Variants in SORCS2 observed in about 807,000 individuals in gnomAD.
SORCS2 encodes sortilin related VPS10 domain containing receptor 2, also known as VPS10 domain-containing receptor SorCS2.
SORCS2 carries 100 observed loss-of-function variants against 141.6 expected under a neutral mutation model. The observed-to-expected ratio is 0.71, with a 90% CI of 0.60 to 0.83. The LOEUF (loss-of-function observed/expected upper bound fraction) is 0.83, where lower values mean the gene tolerates loss of function less well. Ranked by LOEUF, SORCS2 falls within the 40% of genes least tolerant of loss-of-function variation. SORCS2 has a pLI of 0.00. For missense variants in SORCS2, 1,646 were observed against 1,560.2 expected (o/e 1.05, Z -0.93); for synonymous variants, 789 against 676.9 (o/e 1.17, Z -2.57).
chr4:7,703,005 G>A (rs1577093439), intron 12 of SORCS2, among the ~76,000 whole-genome samples: 1 of 152,362 alleles, frequency 6.6e-6, no homozygotes, highest in South Asian at 2.1e-4. Context: ...CACATAGAGA[G>A]GGCTGCGTGC....
chr4:7,361,614 G>GA (rs1308642509), intron 1 of SORCS2, among the ~76,000 whole-genome samples: 2 of 152,012 alleles, frequency 1.3e-5, no homozygotes, highest in Non-Finnish European at 2.9e-5. Context: ...GTTATAATGG[G>GA]AAAAAAGAGA....
chr4:7,537,209 C>A (rs1712207493), intron 3 of SORCS2, among the ~76,000 whole-genome samples: 1 of 152,354 alleles, frequency 6.6e-6, no homozygotes, highest in South Asian at 2.1e-4. Flanking sequence ...CATTTCCTCT[C>A]TGGGCCTCAG....
intron 2 of SORCS2, among the ~76,000 whole-genome samples, chr4:7,468,726 C>T (rs1267409174): frequency 1.3e-5 from 2 of 152,232 alleles, no homozygotes; most frequent in Non-Finnish European, 2.9e-5. Flanking sequence ...CCATCTCTTC[C>T]ATCTGTTGAC....
At chr4:7,581,550 G>T (rs1426655130) in intron 3 of SORCS2, among the ~76,000 whole-genome samples, 5 of 152,204 alleles carry the variant, frequency 3.3e-5, no homozygotes, top group Admixed American at 6.5e-5. Flanking sequence ...AGCCCCCGTT[G>T]TGAGTATGGT....
rs776356894 is a variant in SORCS2 at position 7,740,261 on chromosome 4, C to A, written c.3477C>A (p.Ser1159Arg). 1.2e-6 allele frequency: 2 copies of A among 1,609,026 alleles called. No homozygotes were observed. Among genetic ancestry groups the A allele is most frequent in the Admixed American group, 3.3e-5 (2 of 59,944 alleles). The part of the protein sequence containing the change: ...NSREMHSYLV[S>R] The stretch of plus-strand genomic sequence containing the variant: ...GAGAGATGCACAGCTACCTGGTGAG[C>A]TGATGCCACCCCAGCATCTGTCTTT... The change falls in exon 27 of 27, where the codon AGC (serine) becomes AGA (arginine). Residue 1159 changes from serine (S) to arginine (R), a missense_variant. Coordinates refer to ENST00000507866, the MANE Select transcript of SORCS2 (RefSeq NM_020777.3).
intron 3 of SORCS2, among the ~76,000 whole-genome samples, chr4:7,600,175 T>G (rs1717564074): frequency 6.6e-6 from 1 of 152,132 alleles, no homozygotes. Flanking sequence ...TGTGTAACCC[T>G]CTTTCTTTAG....
chr4:7,433,885 A>G, intron 2 of SORCS2: 7 of 1,613,794 alleles, frequency 4.3e-6, no homozygotes, highest in Non-Finnish European at 3.4e-6. Flanking sequence ...CTCCTTCGTG[A>G]TAGAGGCAGG....
intron 1 of SORCS2, among the ~76,000 whole-genome samples, chr4:7,326,543 C>T (rs1265672224): frequency 6.6e-6 from 1 of 152,182 alleles, no homozygotes; most frequent in African/African-American, 2.4e-5. Flanking sequence ...TAGGCAGACT[C>T]ATCACCTGAA....
chr4:7,607,230 T>C (rs1718116516), intron 3 of SORCS2, among the ~76,000 whole-genome samples: 1 of 152,224 alleles, frequency 6.6e-6, no homozygotes, highest in Non-Finnish European at 1.5e-5. Flanking sequence ...TTGTCTCTCC[T>C]TGGCCTTTTA....
At chr4:7,402,523 C>G (rs1281738187) in intron 2 of SORCS2, among the ~76,000 whole-genome samples, 2 of 152,196 alleles carry the variant, frequency 1.3e-5, no homozygotes, top group African/African-American at 4.8e-5. Flanking sequence ...CACGTGTAAT[C>G]TATTTGATTT....
chr4:7,352,961 C>T (rs892077457), intron 1 of SORCS2, among the ~76,000 whole-genome samples: 4 of 152,206 alleles, frequency 2.6e-5, no homozygotes, highest in Admixed American at 2.6e-4. Context: ...ATGTACTCTC[C>T]TTTCCAGATT....
chr4:7,726,346 C>T (rs1346323400), intron 20 of SORCS2, among the ~76,000 whole-genome samples: 1 of 152,170 alleles, frequency 6.6e-6, no homozygotes, highest in African/African-American at 2.4e-5. Flanking sequence ...GGCTTACAAC[C>T]AGGTGCCCAT....
At chr4:7,362,976 A>G (rs1721676603) in intron 1 of SORCS2, among the ~76,000 whole-genome samples, 1 of 149,924 alleles carries the variant, frequency 6.7e-6, no homozygotes, top group Non-Finnish European at 1.5e-5. Context: ...TGCAATCATC[A>G]CCATCATTAC....
intron 3 of SORCS2, among the ~76,000 whole-genome samples, chr4:7,587,112 G>A (rs1716588473): frequency 6.6e-6 from 1 of 152,044 alleles, no homozygotes; most frequent in Non-Finnish European, 1.5e-5. Flanking sequence ...TGCGCAAGCA[G>A]AAGCTGGACA....
At chr4:7,672,390 G>A (rs1003426378) in intron 8 of SORCS2, among the ~76,000 whole-genome samples, 2 of 152,154 alleles carry the variant, frequency 1.3e-5, no homozygotes, top group African/African-American at 2.4e-5. Flanking sequence ...CATTCAAAGC[G>A]CTGAAAGAAT....
chr4:7,536,889 G>C (rs550648991), intron 3 of SORCS2, among the ~76,000 whole-genome samples: 2 of 151,272 alleles, frequency 1.3e-5, no homozygotes, highest in African/African-American at 4.9e-5. Flanking sequence ...ACTTCCATTA[G>C]CCAGAGCAGA....
At chr4:7,695,936 G>A (rs369557519) in intron 11 of SORCS2, among the ~76,000 whole-genome samples, 16,793 of 74,622 alleles carry the variant, frequency 0.23, 2,148 homozygotes, top group East Asian at 0.41. Context: ...TGGTGGGTGG[G>A]TGGGTGGATG....
Position 7,648,116 on chromosome 4 carries a change from G to A in SORCS2, c.814-6018G>A, listed in dbSNP as rs1410929116. Among the ~76,000 whole-genome samples, 8 of 152,084 alleles carry A rather than the reference G, an allele frequency of 5.3e-5. No individual in the cohort carries two copies. Among genetic ancestry groups the A allele is most frequent in the East Asian group, 3.9e-4 (2 of 5,188 alleles). ...CTTACGGTGGGGCAGGTGGGGTGGC[G>A]GGCACCTCTGGGATTGTGGTTGCAG... On this transcript the variant is annotated intron_variant, in intron 4 of 26. Transcript: ENST00000507866. The surrounding 1 kb of genome is among the most constrained non-coding windows in gnomAD (Gnocchi z 4.2).
chr4:7,311,268 C>T (rs1237744255), intron 1 of SORCS2, among the ~76,000 whole-genome samples: 1 of 152,166 alleles, frequency 6.6e-6, no homozygotes, highest in Non-Finnish European at 1.5e-5. Context: ...TGTTCGTTCC[C>T]TTTTATTCCA....
Sources: gnomAD v4.1 joint callset for allele counts (sites outside exome capture counted in the v4.1 genomes callset) on GRCh38, gnomAD v4.1.1 for gene constraint, Gnocchi (gnomAD v3.1) non-coding constraint, MANE v1.5 for transcripts, NCBI Gene and HGNC (gene_info 2026-07-23, HGNC 2026-07-21) for gene names.